The following NPAS3 variants were observed in gnomAD, a reference collection of about 807,000 sequenced individuals.
The protein encoded by NPAS3 is neuronal PAS domain-containing protein 3.
Under a neutral mutation model 73.1 loss-of-function variants are expected in NPAS3, and 14 were observed. The ratio of observed to expected loss-of-function variants is 0.19; its 90% confidence interval spans 0.13 to 0.30. The LOEUF is 0.30. Among genes scored for constraint, NPAS3 ranks in the 10% least tolerant of loss-of-function variants. The pLI is 1.00. For synonymous variants in NPAS3, 620 were observed against 541.5 expected (o/e 1.14, Z -2.01); for missense variants, 1,096 against 1,250.0 (o/e 0.88, Z 1.86).
intron 4 of NPAS3, among the ~76,000 whole-genome samples, chr14:33,467,999 C>A (rs1192590899): frequency 6.6e-6 from 1 of 152,172 alleles, no homozygotes; most frequent in Non-Finnish European, 1.5e-5. Flanking sequence ...TAAACTAGAA[C>A]TGTGGGAACA....
intron 7 of NPAS3, 100 bp from the exon 8 acceptor site, chr14:33,774,237 G>A (rs2062741886): frequency 4.7e-6 from 4 of 859,056 alleles, no homozygotes; most frequent in Non-Finnish European, 7.4e-6. Flanking sequence ...ACAAGCTAAT[G>A]TTGGTTGTTC....
intron 4 of NPAS3, among the ~76,000 whole-genome samples, chr14:33,389,741 A>G (rs890290290): frequency 1.3e-5 from 2 of 152,204 alleles, no homozygotes; most frequent in African/African-American, 4.8e-5. Flanking sequence ...TATAGCTAAA[A>G]TGTGATTAGC....
At chr14:33,211,526 C>A (rs1214528406) in intron 2 of NPAS3, among the ~76,000 whole-genome samples, 1 of 152,110 alleles carries the variant, frequency 6.6e-6, no homozygotes, top group African/African-American at 2.4e-5. Context: ...TGCACTCCAA[C>A]CTGGGTGACA....
At chr14:33,637,722 A>G (rs1223949356) in intron 5 of NPAS3, among the ~76,000 whole-genome samples, 1 of 152,206 alleles carries the variant, frequency 6.6e-6, no homozygotes, top group African/African-American at 2.4e-5. Flanking sequence ...GTACTCATGA[A>G]CAGCTACAGT....
intron 3 of NPAS3, among the ~76,000 whole-genome samples, chr14:33,258,675 T>C (rs1157383949): frequency 6.6e-6 from 1 of 152,210 alleles, no homozygotes; most frequent in Non-Finnish European, 1.5e-5. Context: ...CAAGGGCATG[T>C]TGACTTCATC....
chr14:33,322,989 C>T (rs370385918), intron 3 of NPAS3, among the ~76,000 whole-genome samples: 1 of 152,138 alleles, frequency 6.6e-6, no homozygotes, highest in Non-Finnish European at 1.5e-5. Flanking sequence ...AATTAAGTTC[C>T]TTTCCTCTCT....
intron 3 of NPAS3, among the ~76,000 whole-genome samples, chr14:33,344,542 T>C (rs1298387141): frequency 6.6e-6 from 1 of 152,146 alleles, no homozygotes. Flanking sequence ...ACCAACTGAG[T>C]CTCTGATCAT....
chr14:33,225,925 C>T (rs2047614820), intron 3 of NPAS3, among the ~76,000 whole-genome samples: 1 of 151,940 alleles, frequency 6.6e-6, no homozygotes, highest in Non-Finnish European at 1.5e-5. Context: ...CAATGAATGG[C>T]CAGAAATATG....
At chr14:33,256,177 C>G (rs2048774090) in intron 3 of NPAS3, among the ~76,000 whole-genome samples, 1 of 152,082 alleles carries the variant, frequency 6.6e-6, no homozygotes, top group Non-Finnish European at 1.5e-5. Flanking sequence ...TGTAAGAGAA[C>G]CGGTGTTAAA....
intron 4 of NPAS3, among the ~76,000 whole-genome samples, chr14:33,471,516 TAC>T (rs2050780883): frequency 1.3e-5 from 2 of 152,284 alleles, no homozygotes; most frequent in South Asian, 4.2e-4. Context: ...CTGGCTCTTT[TAC>T]CCATTATTGC....
rs907929333 is a variant in NPAS3 at position 33,498,331 on chromosome 14, C to G, written c.469-61790C>G. 1.6e-4 allele frequency among the ~76,000 whole-genome samples: 25 copies of G among 152,156 alleles called. 1 individual carries two copies. The highest frequency in any genetic ancestry group is 6.0e-4 in the African/African-American group (25 of 41,448). ...CAGAAATACAATTTGAGCCAGCAAT[C>G]CCATTACTGGGTATATACCCAAAGG... On this transcript the variant is annotated intron_variant, in intron 4 of 11. Coordinates refer to ENST00000356141, the Ensembl canonical transcript of NPAS3.
intron 3 of NPAS3, among the ~76,000 whole-genome samples, chr14:33,285,581 G>A (rs781320130): frequency 3.3e-5 from 5 of 152,132 alleles, no homozygotes; most frequent in Non-Finnish European, 4.4e-5. Flanking sequence ...GAAGAAGCTA[G>A]GTCTCAGGTT....
intron 3 of NPAS3, among the ~76,000 whole-genome samples, chr14:33,254,700 G>T (rs1367064608): frequency 6.6e-6 from 1 of 152,024 alleles, no homozygotes. Context: ...AATACTAAAA[G>T]GCAGCTAAGC....
Position 33,368,193 on chromosome 14 carries a change from A to C in NPAS3, c.468+925A>C, listed in dbSNP as rs558785407. ...ATACTCCAGATCCCTGTTCATTCAG[A>C]GTTTATAAACAGGGCCTTTATGGTG... On this transcript the variant is annotated intron_variant, in intron 4 of 11. Coordinates refer to ENST00000356141, the Ensembl canonical transcript of NPAS3. Among the ~76,000 whole-genome samples, 5 of 152,174 alleles carry C rather than the reference A, an allele frequency of 3.3e-5. No individual in the cohort carries two copies. In the South Asian group the frequency reaches 1.0e-3, roughly 32 times the overall value.
chr14:33,691,443 T>C (rs1183799073), intron 6 of NPAS3, among the ~76,000 whole-genome samples: 1 of 152,240 alleles, frequency 6.6e-6, no homozygotes, highest in Non-Finnish European at 1.5e-5. Context: ...TGTCATGCCT[T>C]TGATTAATTT....
chr14:33,147,701 T>TGTACC (rs1213673315), intron 2 of NPAS3, among the ~76,000 whole-genome samples: 2 of 141,648 alleles, frequency 1.4e-5, no homozygotes, highest in Non-Finnish European at 3.0e-5. Flanking sequence ...ATTGTGCACA[T>TGTACC]GTACCCTAGA....
intron 5 of NPAS3, among the ~76,000 whole-genome samples, chr14:33,651,058 C>T (rs1363139252): frequency 7.9e-5 from 12 of 152,256 alleles, no homozygotes; most frequent in Non-Finnish European, 1.3e-4. Flanking sequence ...AGACTGCGGT[C>T]ATCCCCTCTT....
intron 5 of NPAS3, among the ~76,000 whole-genome samples, chr14:33,646,557 C>A (rs1390053335): frequency 1.3e-5 from 2 of 152,192 alleles, no homozygotes; most frequent in Non-Finnish European, 2.9e-5. Flanking sequence ...GATTCATGCA[C>A]TCATGTGATC....
intron 3 of NPAS3, among the ~76,000 whole-genome samples, chr14:33,322,257 G>A (rs2043482632): frequency 6.6e-6 from 1 of 152,158 alleles, no homozygotes; most frequent in Admixed American, 6.5e-5. Context: ...GCTGTGAAAT[G>A]TTTCTGATTC....
Sources: allele counts gnomAD v4.1 joint callset (sites outside exome capture counted in the v4.1 genomes callset), GRCh38; gene constraint gnomAD v4.1.1; transcripts MANE v1.5; gene names NCBI Gene and HGNC (gene_info 2026-07-23, HGNC 2026-07-21).